NLRP9: variants seen among roughly 807,000 people sequenced by gnomAD.
The protein encoded by NLRP9 is NACHT, LRR and PYD domains-containing protein 9.
In NLRP9, 88 loss-of-function variants were observed where a neutral mutation model predicts 83.1. That is an observed-to-expected ratio of 1.06 (90% CI 0.89 to 1.26). The LOEUF (loss-of-function observed/expected upper bound fraction) is 1.26. Among genes scored for constraint, NLRP9 ranks in the 50% most tolerant of loss-of-function variants. The pLI, the probability that NLRP9 is intolerant of heterozygous loss-of-function variation, is 0.00. For missense variants in NLRP9, 1,308 were observed against 1,179.3 expected (o/e 1.11, Z -1.60); for synonymous variants, 521 against 447.6 (o/e 1.16, Z -2.07).
At chr19:55,727,456 G>A (rs1404713566) in intron 3 of NLRP9, among the ~76,000 whole-genome samples, 1 of 152,100 alleles carries the variant, frequency 6.6e-6, no homozygotes, top group Non-Finnish European at 1.5e-5. Context: ...TGTGCTTTGA[G>A]ACTGAATTTA....
At chr19:55,727,833 G>C (rs1338275554) in intron 3 of NLRP9, among the ~76,000 whole-genome samples, 2 of 152,124 alleles carry the variant, frequency 1.3e-5, no homozygotes, top group Non-Finnish European at 2.9e-5. Context: ...TGCTCCCCAA[G>C]ATCACTCCTA....
intron 4 of NLRP9, among the ~76,000 whole-genome samples, chr19:55,722,627 A>G (rs952119486): frequency 3.3e-5 from 5 of 152,180 alleles, no homozygotes; most frequent in African/African-American, 7.2e-5. Context: ...TGCTGCCTCA[A>G]TGACTTCCTT....
chr19:55,733,919 A>G (rs201079345), intron 1 of NLRP9, among the ~76,000 whole-genome samples: 1 of 117,872 alleles, frequency 8.5e-6, no homozygotes. Flanking sequence ...TGTCAACCAA[A>G]TTTTTTTTTT....
chr19:55,736,254 G>C (rs576564558), intron 1 of NLRP9, among the ~76,000 whole-genome samples: 59 of 152,092 alleles, frequency 3.9e-4, no homozygotes, highest in African/African-American at 1.4e-3. Flanking sequence ...ATCTGGGCGT[G>C]GTGGCAGGCG....
intron 6 of NLRP9, among the ~76,000 whole-genome samples, chr19:55,713,099 TC>T (rs1297773658): frequency 6.6e-6 from 1 of 150,598 alleles, no homozygotes; most frequent in Non-Finnish European, 1.5e-5. Flanking sequence ...CTGTGGCCTC[TC>T]CTCATTATTC....
rs201287604 is a variant in NLRP9 at position 55,729,987 on chromosome 19, T to C, written c.1838A>G (p.Asn613Ser). 8.6e-5 allele frequency: 138 copies of C among 1,612,546 alleles called. 1 individual carries two copies. In the African/African-American group the frequency reaches 1.5e-3, roughly 17 times the overall value. ...CTCCCGCCAGTAGACGAGCTTCTCA[T>C]TGTAACTATGAGAGAACAAAGATTG... The part of the protein sequence containing the change: ...PDDSGCISDY[N>S]EKLVYWRELC... The change falls in exon 3 of 9, where the codon AAT becomes AGT. Residue 613 changes from asparagine to serine, a missense_variant. Transcript: ENST00000332836.
chr19:55,719,604 G>A (rs1988157483), intron 4 of NLRP9, among the ~76,000 whole-genome samples: 1 of 152,194 alleles, frequency 6.6e-6, no homozygotes, highest in South Asian at 2.1e-4. Flanking sequence ...TTGCATGCCT[G>A]TATCTAATTA....
intron 3 of NLRP9, 45 bp from the exon 4 acceptor site, chr19:55,724,189 A>C (rs2122311453): frequency 7.2e-7 from 1 of 1,394,542 alleles, no homozygotes; most frequent in Middle Eastern, 1.8e-4. Context: ...ATGAGATCCC[A>C]GCACAAAGAC....
intron 4 of NLRP9, among the ~76,000 whole-genome samples, chr19:55,721,719 AGGGACCC>A (rs1792935832): frequency 6.6e-6 from 1 of 152,120 alleles, no homozygotes; most frequent in Non-Finnish European, 1.5e-5. Context: ...GTGTTGTGGG[AGGGACCC>A]AGTGGAAGAT....
intron 3 of NLRP9, among the ~76,000 whole-genome samples, chr19:55,728,887 A>C (rs1326982347): frequency 6.6e-6 from 1 of 152,160 alleles, no homozygotes. Context: ...AATCAAGATA[A>C]GTAAAATATC....
intron 6 of NLRP9, among the ~76,000 whole-genome samples, chr19:55,713,562 C>T (rs1987858832): frequency 1.4e-5 from 2 of 140,734 alleles, no homozygotes; most frequent in African/African-American, 5.3e-5. Context: ...AGAGAAAGTG[C>T]CCCTGGCACC....
chr19:55,725,318 C>T (rs1988366911), intron 3 of NLRP9, among the ~76,000 whole-genome samples: 1 of 152,118 alleles, frequency 6.6e-6, no homozygotes, highest in Non-Finnish European at 1.5e-5. Context: ...TGTGTATTTA[C>T]AAACCAGACA....
At chr19:55,723,711 G>C (rs568211069) in intron 4 of NLRP9, among the ~76,000 whole-genome samples, 4 of 131,078 alleles carry the variant, frequency 3.1e-5, no homozygotes, top group South Asian at 5.0e-4. Context: ...CTGGGCAACA[G>C]AGTGAGACCC....
chr19:55,722,180 T>C (rs201177510), intron 4 of NLRP9, among the ~76,000 whole-genome samples: 3 of 144,070 alleles, frequency 2.1e-5, no homozygotes, highest in Non-Finnish European at 4.6e-5. Context: ...AGTAAATGAA[T>C]AGTTAGTTTA....
At position 55,715,047 on chromosome 19, in the gene NLRP9, G is replaced by C. The variant is rs114738169; in HGVS notation, c.2501+8C>G. On this transcript the variant is annotated splice_region_variant and intron_variant, in intron 6 of 8. Transcript: ENST00000332836. ...CCTGACATTGAAGCAAATCATGGCC[G>C]GTCCTACCACAGCTCCCGTATGCTG... 17 of 1,594,716 alleles carry C rather than the reference G, an allele frequency of 1.1e-5. No homozygotes were observed. The highest frequency in any genetic ancestry group is 1.3e-5 in the African/African-American group (1 of 74,162).
At chr19:55,736,406 C>G (rs141054388) in intron 1 of NLRP9, among the ~76,000 whole-genome samples, 1 of 151,388 alleles carries the variant, frequency 6.6e-6, no homozygotes, top group East Asian at 2.0e-4. Context: ...AGAAAAAAGT[C>G]ATGTCATGTC....
In NLRP9 at chr19:55,732,100, A is replaced by G. The variant is rs140217687; in HGVS notation, c.1731T>C (p.His577=). 1,404 of 1,611,774 alleles carry G rather than the reference A, an allele frequency of 8.7e-4. 8 individuals are homozygous for G. Among genetic ancestry groups the G allele is most frequent in the Non-Finnish European group, 3.0e-4 (353 of 1,179,280 alleles). Reference sequence around the variant, plus strand: ...TCAGGCAGAATGAAGCTATTACCAAATGTTCTATGTTACCAATATAAATGA... The same window carrying G: ...TCAGGCAGAATGAAGCTATTACCAAGTGTTCTATGTTACCAATATAAATGA... The part of the protein sequence containing the change: ...EVFIYIGNIE[H]LVIASFCLKH... Residue 577 remains histidine (H), a synonymous_variant, in exon 2 of 9, where the codon CAT becomes CAC. Coordinates refer to ENST00000332836, the MANE Select transcript of NLRP9 (RefSeq NM_176820.4).
At chr19:55,716,701 G>C (rs117307800) in intron 5 of NLRP9, 27 bp downstream of exon 5, 23 of 1,600,776 alleles carry the variant, frequency 1.4e-5, no homozygotes, top group Non-Finnish European at 1.8e-5. Flanking sequence ...AGAAATCTCC[G>C]AACGTGCTTC....
At chr19:55,717,498 T>C (rs1054923146) in intron 4 of NLRP9, among the ~76,000 whole-genome samples, 6 of 152,214 alleles carry the variant, frequency 3.9e-5, no homozygotes, top group Non-Finnish European at 8.8e-5. Flanking sequence ...TTATTGGCTG[T>C]CACGATGGAG....
Sources: gnomAD v4.1 joint callset for allele counts (sites outside exome capture counted in the v4.1 genomes callset) on GRCh38, gnomAD v4.1.1 for gene constraint, MANE v1.5 for transcripts, NCBI Gene and HGNC (gene_info 2026-07-23, HGNC 2026-07-21) for gene names.